AK9: variants seen among roughly 807,000 people sequenced by gnomAD.
The protein encoded by AK9 is adenylate kinase domain containing 1.
A neutral mutation model predicts 239.6 loss-of-function variants in AK9; 191 were observed. The observed-to-expected ratio is 0.80, with a 90% CI of 0.71 to 0.90. The LOEUF (loss-of-function observed/expected upper bound fraction) is 0.90, where lower values mean the gene tolerates loss of function less well. Among genes scored for constraint, AK9 ranks in the 40% least tolerant of loss-of-function variants. The pLI is 0.00. For missense variants in AK9, 1,995 were observed against 2,214.7 expected (o/e 0.90, Z 1.99); for synonymous variants, 689 against 721.0 (o/e 0.96, Z 0.71).
intron 9 of AK9, among the ~76,000 whole-genome samples, chr6:109,642,556 G>A (rs1461394187): frequency 6.6e-6 from 1 of 152,184 alleles, no homozygotes; most frequent in East Asian, 1.9e-4. Context: ...TCACAGGTTT[G>A]GCAAGTTCCA....
intron 28 of AK9, among the ~76,000 whole-genome samples, chr6:109,529,810 C>G (rs1057062064): frequency 2.0e-5 from 3 of 152,032 alleles, no homozygotes; most frequent in Non-Finnish European, 2.9e-5. Context: ...CTGATCTGAC[C>G]AGAGGCAGAG....
At position 109,610,403 on chromosome 6, in the gene AK9, C is replaced by T; in HGVS notation, c.1804G>A (p.Glu602Lys). Residue 602 changes from glutamate to lysine, a missense_variant, in exon 17 of 41, where the codon GAA becomes AAA. This residue lies in a region of AK9 where 1,290 missense variants were observed against 1,392.7 expected (regional missense o/e 0.93). Transcript: ENST00000424296. ...TCCTGTAAGATTTCAGCATGTTTTT[C>T]ATATGGCTGTTCAAAGTTTATATCC... ...SQDINFEQPY[E>K]KHAEILQEVL... 6.4e-7 allele frequency: 1 copy of T among 1,551,622 alleles called. No individual in the cohort carries two copies. Among genetic ancestry groups the T allele is most frequent in the Non-Finnish European group, 8.7e-7 (1 of 1,146,884 alleles).
chr6:109,684,873 C>CAAAAAAAAAAAAAAAAAAAAAAAA (rs60500211), intron 1 of AK9, among the ~76,000 whole-genome samples: 1 of 21,854 alleles, frequency 4.6e-5, no homozygotes. Context: ...GACTCCGTCT[C>CAAAAAAAAAAAAAAAAAAAAAAAA]AAAAAAAAAA....
At position 109,614,181 on chromosome 6, in the gene AK9, A is replaced by T; in HGVS notation, c.1609+2T>A. ...CGTGGGATTAGCAGTTCACTTTGTT[A>T]CCATCTTTATCAACTTTAGCAGCTT... On this transcript the variant is annotated splice_donor_variant, in intron 15 of 40. Transcript: ENST00000424296. LOFTEE classifies it high-confidence loss of function. 1 of 1,549,530 alleles carries T rather than the reference A, an allele frequency of 6.5e-7. No homozygotes were observed. Among genetic ancestry groups the T allele is most frequent in the Non-Finnish European group, 8.7e-7 (1 of 1,145,150 alleles).
At chr6:109,620,980 T>C (rs933758898) in intron 12 of AK9, among the ~76,000 whole-genome samples, 1 of 152,010 alleles carries the variant, frequency 6.6e-6, no homozygotes, top group Non-Finnish European at 1.5e-5. Context: ...AACTGTCAAT[T>C]CTGTTTTATG....
intron 17 of AK9, among the ~76,000 whole-genome samples, chr6:109,603,486 G>A (rs566988582): frequency 6.6e-6 from 1 of 152,168 alleles, no homozygotes; most frequent in South Asian, 2.1e-4. Flanking sequence ...GCCCCTACTG[G>A]GGGGTGCCTC....
chr6:109,529,156 G>T, intron 28 of AK9, 83 bp from the exon 29 acceptor site: 2 of 1,419,444 alleles, frequency 1.4e-6, no homozygotes, highest in Admixed American at 4.7e-5. Context: ...TTTATATAAA[G>T]TAGGAATAAC....
intron 27 of AK9, among the ~76,000 whole-genome samples, chr6:109,537,478 A>G (rs977903271): frequency 1.0e-4 from 14 of 139,858 alleles, no homozygotes; most frequent in Admixed American, 2.8e-4. Flanking sequence ...TATTGCATCT[A>G]TTTGATTCTT....
intron 12 of AK9, chr6:109,632,060 G>A (rs1284537402): frequency 1.5e-6 from 1 of 659,236 alleles, no homozygotes; most frequent in African/African-American, 2.0e-5. Flanking sequence ...AACATGAGAG[G>A]GCGTCTGGGT....
intron 32 of AK9, 54 bp downstream of exon 32, chr6:109,514,170 G>T (rs143558996): frequency 6.8e-7 from 1 of 1,480,508 alleles, no homozygotes; most frequent in African/African-American, 1.4e-5. Flanking sequence ...ATGTGCATTG[G>T]GTACAAGCAG....
Position 109,665,049 on chromosome 6 carries a change from AAAG to A in AK9, c.332-2389_332-2387del, listed in dbSNP as rs200554375. On this transcript the variant is annotated intron_variant, in intron 5 of 40. Coordinates refer to ENST00000424296, the MANE Select transcript of AK9 (RefSeq NM_001145128.3). ...AGCGAGACTCCGTCTCAAAAAAAAT[AAAG>A]AAGAAGAAGACCAAGAACCATCATG... is the stretch of plus-strand genomic sequence containing the variant. 7.8e-4 allele frequency among the ~76,000 whole-genome samples: 118 copies of A among 152,224 alleles called. No individual in the cohort carries two copies. The East Asian group carries it at 0.018, about 23-fold the overall frequency.
chr6:109,655,283 T>G (rs1799531113), intron 8 of AK9, among the ~76,000 whole-genome samples: 1 of 152,224 alleles, frequency 6.6e-6, no homozygotes, highest in Non-Finnish European at 1.5e-5. Context: ...AGATTAGCAT[T>G]TCTTTATTAT....
intron 8 of AK9, among the ~76,000 whole-genome samples, chr6:109,650,527 T>C (rs1798774019): frequency 2.0e-5 from 3 of 151,638 alleles, no homozygotes; most frequent in Non-Finnish European, 2.9e-5. Flanking sequence ...AAAACCACAA[T>C]GAGATACCAT....
At chr6:109,582,281 G>A (rs1225794296) in intron 19 of AK9, among the ~76,000 whole-genome samples, 1 of 152,144 alleles carries the variant, frequency 6.6e-6, no homozygotes, top group Admixed American at 6.6e-5. Context: ...GACTACAGCT[G>A]TCATAGATAG....
chr6:109,494,034 G>C lies in AK9; in HGVS notation c.5480C>G (p.Pro1827Arg), dbSNP rs1039705884. The change falls in exon 40 of 41, where the codon CCC (proline) becomes CGC (arginine). Residue 1827 changes from proline (P) to arginine (R), a missense_variant. This residue lies in a region of AK9 where 391 missense variants were observed against 456.0 expected (regional missense o/e 0.86). Coordinates refer to ENST00000424296, the MANE Select transcript of AK9 (RefSeq NM_001145128.3). ...NAAGCLKPKF[P>R]FLSIRRSALL... ...TGCAGATCTCCTTATACTTAAAAAG[G>C]GGAACTTGGGCTTTAAGCATCCCGC... 1 of 1,612,634 alleles carries C rather than the reference G, an allele frequency of 6.2e-7. No individual in the cohort carries two copies. Among genetic ancestry groups the C allele is most frequent in the East Asian group, 2.2e-5 (1 of 44,826 alleles).
chr6:109,614,380 T>G lies in AK9; in HGVS notation c.1495+5A>C, dbSNP rs1331712059. On this transcript the variant is annotated splice_donor_5th_base_variant and intron_variant, in intron 14 of 40. Transcript: ENST00000424296. ...GTCAATAACATCAGCAATATATTTC[T>G]TTACCTTCTTCATCAATTGATGAGT... 2 of 1,550,718 alleles carry G rather than the reference T, an allele frequency of 1.3e-6. No homozygotes were observed. Among genetic ancestry groups the G allele is most frequent in the Non-Finnish European group, 1.7e-6 (2 of 1,146,220 alleles).
At chr6:109,640,592 T>A (rs927896161) in intron 10 of AK9, among the ~76,000 whole-genome samples, 2 of 149,284 alleles carry the variant, frequency 1.3e-5, no homozygotes. Context: ...TTTTTTTTTT[T>A]ATTTTTTGTA....
intron 10 of AK9, among the ~76,000 whole-genome samples, chr6:109,633,833 C>T (rs1311401529): frequency 6.6e-6 from 1 of 152,186 alleles, no homozygotes; most frequent in Non-Finnish European, 1.5e-5. Context: ...CCTTCATCAG[C>T]AATCCTTTCT....
chr6:109,502,486 G>A (rs867617608), intron 35 of AK9, among the ~76,000 whole-genome samples: 1 of 152,142 alleles, frequency 6.6e-6, no homozygotes, highest in Non-Finnish European at 1.5e-5. Context: ...GAAAGGCATG[G>A]AATAGATCCT....
Sources: gnomAD v4.1 joint callset for allele counts (sites outside exome capture counted in the v4.1 genomes callset) on GRCh38, gnomAD v4.1.1 for gene constraint, gnomAD v4.1.1 regional missense constraint, MANE v1.5 for transcripts, NCBI Gene and HGNC (gene_info 2026-07-23, HGNC 2026-07-21) for gene names.